GATAD2A: variants seen among roughly 807,000 people sequenced by gnomAD.
GATAD2A encodes transcriptional repressor p66-alpha.
In GATAD2A, 12 loss-of-function variants were observed where a neutral mutation model predicts 68.5. The observed-to-expected ratio is 0.18, with a 90% confidence interval of 0.11 to 0.28. GATAD2A has a LOEUF of 0.28. Among genes scored for constraint, GATAD2A ranks in the 10% least tolerant of loss-of-function variants. The probability of loss-of-function intolerance (pLI) is 1.00; values close to 1 mark genes in which losing one functional copy is unlikely to be tolerated. For missense variants in GATAD2A, 755 were observed against 868.5 expected (o/e 0.87, Z 1.64); for synonymous variants, 410 against 375.3 (o/e 1.09, Z -1.07).
chr19:19,401,426 G>T (rs1011849446), upstream of GATAD2A, among the ~76,000 whole-genome samples: 1 of 151,960 alleles, frequency 6.6e-6, no homozygotes, highest in Non-Finnish European at 1.5e-5. Flanking sequence ...TGTTAGCCAG[G>T]ATGGTCTCGA....
In GATAD2A at chr19:19,501,224, C is replaced by A; in HGVS notation, c.1311C>A (p.Ile437=). The change falls in exon 9 of 12, where the codon ATC becomes ATA. Residue 437 remains isoleucine (I), a synonymous_variant. Transcript: ENST00000683918. ...CRWREEKSGA[I]MCENCMTTNQ... ...GGCGGGAGGAGAAGAGCGGCGCCAT[C>A]ATGTGTGAGAACTGCATGACAACCA... 1 of 1,613,484 alleles carries A rather than the reference C, an allele frequency of 6.2e-7. No homozygotes were observed. Among genetic ancestry groups the A allele is most frequent in the Non-Finnish European group, 8.5e-7 (1 of 1,180,014 alleles).
chr19:19,390,827 G>A (rs188636040), intron 1 of GATAD2A, among the ~76,000 whole-genome samples: 1 of 152,176 alleles, frequency 6.6e-6, no homozygotes, highest in Non-Finnish European at 1.5e-5. Flanking sequence ...TGAAAGAAGA[G>A]CCATTCTTTC....
chr19:19,486,048 C>T (rs2059405457), intron 2 of GATAD2A, among the ~76,000 whole-genome samples: 1 of 152,226 alleles, frequency 6.6e-6, no homozygotes, highest in Admixed American at 6.5e-5. Context: ...ACAGCCCCAA[C>T]CCTGGAACCT....
chr19:19,508,684 A>G lies in GATAD2A; in HGVS notation c.*3210A>G, dbSNP rs1042913995. The G allele has an allele frequency of 1.3e-5, 2 of 152,262 alleles. No homozygotes were observed. The highest frequency in any genetic ancestry group is 4.8e-5 in the African/African-American group (2 of 41,466). The allele number at this position is 152,262 out of a possible 1,614,324, so 9.4% of individuals were successfully genotyped here. On this transcript the variant is annotated 3_prime_UTR_variant, in exon 12 of 12. Coordinates refer to ENST00000683918, the MANE Select transcript of GATAD2A (RefSeq NM_001384528.1). ...TTAAAAAAGGACAGCAAACAATTTT[A>G]TAATCCTTAAAGTGTAATAGACGGT...
chr19:19,495,394 C>T (rs570408424), intron 5 of GATAD2A, among the ~76,000 whole-genome samples: 529 of 150,958 alleles, frequency 3.5e-3, no homozygotes, highest in Non-Finnish European at 5.4e-3. Flanking sequence ...CTGCAACCTC[C>T]GCCTCCCAGG....
rs2057812223 is a variant in GATAD2A at position 19,465,699 on chromosome 19, T to G, written c.269+85T>G. 19 of 1,454,926 alleles carry G rather than the reference T, an allele frequency of 1.3e-5. No homozygotes were observed. In the Admixed American group the frequency reaches 2.9e-4, roughly 23 times the overall value. The allele number at this position is 1,454,926 out of a possible 1,614,324, so 90.1% of individuals were successfully genotyped here. A position where few individuals can be genotyped will look rare whatever the true frequency, so the allele number is the denominator to read the frequency against. ...GTTGGGGCTGGCCACACTCCAGGCC[T>G]GTTGGTAACAGCTTGGCGGGGTTGT... is the stretch of plus-strand genomic sequence containing the variant. On this transcript the variant is annotated intron_variant, in intron 2 of 11. Coordinates refer to ENST00000683918, the MANE Select transcript of GATAD2A (RefSeq NM_001384528.1).
At chr19:19,390,358 G>T (rs1442703932) in intron 1 of GATAD2A, among the ~76,000 whole-genome samples, 1 of 152,048 alleles carries the variant, frequency 6.6e-6, no homozygotes, top group Non-Finnish European at 1.5e-5. Flanking sequence ...CACACAGTTG[G>T]TGTGCAGTAA....
At chr19:19,408,959 G>A (rs987305909) in intron 1 of GATAD2A, among the ~76,000 whole-genome samples, 7 of 151,670 alleles carry the variant, frequency 4.6e-5, no homozygotes, top group Admixed American at 2.0e-4. Context: ...ATGACTAAAG[G>A]ATGCCTCTGA....
At chr19:19,466,698 C>T (rs1568311912) in intron 2 of GATAD2A, among the ~76,000 whole-genome samples, 1 of 152,214 alleles carries the variant, frequency 6.6e-6, no homozygotes, top group African/African-American at 2.4e-5. Flanking sequence ...GACAAAGCCT[C>T]CTAGTCTGAG....
At position 19,480,954 on chromosome 19, in the gene GATAD2A, C is replaced by G. The variant is rs117337002; in HGVS notation, c.270-11352C>G. 4.6e-5 allele frequency among the ~76,000 whole-genome samples: 7 copies of G among 152,350 alleles called. No homozygotes were observed. In the East Asian group the frequency reaches 1.3e-3, roughly 29 times the overall value. On this transcript the variant is annotated intron_variant, in intron 2 of 11. Transcript: ENST00000683918. Reference sequence around the variant, plus strand: ...TCATTGAGAAAGTTTGTGGTCGTTTCAGAAGCAGTGTGTGTTTCATGTTTG... The same window carrying G: ...TCATTGAGAAAGTTTGTGGTCGTTTGAGAAGCAGTGTGTGTTTCATGTTTG...
intron 7 of GATAD2A, among the ~76,000 whole-genome samples, chr19:19,498,107 C>G: frequency 6.6e-6 from 1 of 152,230 alleles, no homozygotes; most frequent in East Asian, 1.9e-4. Context: ...AGTGTGGTGA[C>G]CACCAGAACC....
At chr19:19,447,407 T>C (rs911739227) in intron 1 of GATAD2A, among the ~76,000 whole-genome samples, 1 of 152,178 alleles carries the variant, frequency 6.6e-6, no homozygotes, top group African/African-American at 2.4e-5. Flanking sequence ...TATCATGTTT[T>C]ACCAAAGAAG....
chr19:19,460,666 C>G (rs572750269), intron 1 of GATAD2A, among the ~76,000 whole-genome samples: 5 of 152,280 alleles, frequency 3.3e-5, no homozygotes, highest in African/African-American at 1.2e-4. Flanking sequence ...CTCAGAAAAG[C>G]CAGCCCCACT....
chr19:19,466,082 G>A (rs899312847), intron 2 of GATAD2A, among the ~76,000 whole-genome samples: 4 of 152,226 alleles, frequency 2.6e-5, no homozygotes, highest in East Asian at 1.9e-4. Flanking sequence ...GAGCGGGTAC[G>A]GGATGCTCAC....
rs144903438 is a variant in GATAD2A at position 19,424,494 on chromosome 19, C to T, written c.-7+18475C>T. 2.3e-3 allele frequency among the ~76,000 whole-genome samples: 343 copies of T among 152,016 alleles called. 2 individuals are homozygous for T. Among genetic ancestry groups the T allele is most frequent in the South Asian group, 0.016 (77 of 4,812 alleles). On this transcript the variant is annotated intron_variant, in intron 1 of 11. Coordinates refer to ENST00000683918, the MANE Select transcript of GATAD2A (RefSeq NM_001384528.1). Reference sequence around the variant, plus strand: ...GTCTGCCCCCCTCAGCCTCCCAAAGCGCTGGGATTACAGGTGTGAGACACT... The same window carrying T: ...GTCTGCCCCCCTCAGCCTCCCAAAGTGCTGGGATTACAGGTGTGAGACACT...
At chr19:19,469,431 C>CAAAA (rs56310236) in intron 2 of GATAD2A, among the ~76,000 whole-genome samples, 14 of 132,210 alleles carry the variant, frequency 1.1e-4, no homozygotes, top group African/African-American at 3.3e-4. Flanking sequence ...GACTCCATCT[C>CAAAA]AAAAAAAAAG....
chr19:19,400,416 G>C (rs919002887), intron 1 of GATAD2A, among the ~76,000 whole-genome samples: 2 of 152,118 alleles, frequency 1.3e-5, no homozygotes, highest in African/African-American at 4.8e-5. Context: ...CTAGAGAGCT[G>C]TTTTTCAGGG....
At chr19:19,408,055 A>C (rs2050483687) in intron 1 of GATAD2A, among the ~76,000 whole-genome samples, 1 of 152,168 alleles carries the variant, frequency 6.6e-6, no homozygotes, top group Non-Finnish European at 1.5e-5. Flanking sequence ...TCCAGTCTGG[A>C]GTGGCACGAT....
chr19:19,429,360 G>C, intron 1 of GATAD2A: 1 of 357,456 alleles, frequency 2.8e-6, no homozygotes, highest in Non-Finnish European at 3.9e-6. Context: ...GGTCTGGCAC[G>C]GGGAGTAGGC....
Sources: gnomAD v4.1 joint callset for allele counts (sites outside exome capture counted in the v4.1 genomes callset) on GRCh38, gnomAD v4.1.1 for gene constraint, MANE v1.5 for transcripts, NCBI Gene and HGNC (gene_info 2026-07-23, HGNC 2026-07-21) for gene names.